The following SLIT3 variants were observed in gnomAD, a reference collection of about 807,000 sequenced individuals.
The protein encoded by SLIT3 is slit guidance ligand 3.
In SLIT3, 68 loss-of-function variants were observed where a neutral mutation model predicts 184.0. That is an observed-to-expected ratio of 0.37 (90% CI 0.30 to 0.45). The LOEUF is 0.45. SLIT3 is among the 20% of genes least tolerant of loss of function. The probability of loss-of-function intolerance (pLI) is 1.00; values close to 1 mark genes in which losing one functional copy is unlikely to be tolerated. For missense variants in SLIT3, 1,707 were observed against 2,026.0 expected (o/e 0.84, Z 3.02); for synonymous variants, 831 against 828.6 (o/e 1.00, Z -0.05).
chr5:169,145,399 T>G (rs1348412363), intron 4 of SLIT3, among the ~76,000 whole-genome samples: 1 of 152,174 alleles, frequency 6.6e-6, no homozygotes, highest in Admixed American at 6.5e-5. Flanking sequence ...TTCTAAGGTA[T>G]ACATGTGCAG....
chr5:169,019,939 G>T (rs897872807), intron 4 of SLIT3, among the ~76,000 whole-genome samples: 15 of 152,044 alleles, frequency 9.9e-5, no homozygotes, highest in Non-Finnish European at 1.9e-4. Context: ...TCTGTGTTTT[G>T]CTTGGGAATA....
chr5:168,817,488 A>T, intron 7 of SLIT3, 25 bp from the exon 8 acceptor site: 1 of 1,580,336 alleles, frequency 6.3e-7, no homozygotes, highest in Non-Finnish European at 8.6e-7. Flanking sequence ...GACAGAGAGA[A>T]GGCATGGTCA....
chr5:168,666,228 G>T lies in SLIT3; in HGVS notation c.*226C>A. On this transcript the variant is annotated 3_prime_UTR_variant, in exon 36 of 36. Transcript: ENST00000519560. The stretch of plus-strand genomic sequence containing the variant: ...ATAACTCACTATATGGTACATATAC[G>T]CAGATGGTGTAATATATTTATATAA... The T allele has an allele frequency of 2.5e-6, 1 of 406,966 alleles. No individual in the cohort carries two copies. The highest frequency in any genetic ancestry group is 4.3e-6 in the Non-Finnish European group (1 of 232,690). The allele number at this position is 406,966 out of a possible 1,614,324, so 25.2% of individuals were successfully genotyped here.
At chr5:169,080,301 G>C (rs1051059695) in intron 4 of SLIT3, among the ~76,000 whole-genome samples, 1 of 152,154 alleles carries the variant, frequency 6.6e-6, no homozygotes, top group Non-Finnish European at 1.5e-5. Context: ...CGTGTTTGTC[G>C]GTGATAATAA....
intron 4 of SLIT3, among the ~76,000 whole-genome samples, chr5:168,893,627 A>G (rs1404710138): frequency 1.3e-5 from 2 of 152,202 alleles, no homozygotes; most frequent in African/African-American, 4.8e-5. Flanking sequence ...TGTCTTCTTT[A>G]GAGAGATGGC....
intron 22 of SLIT3, among the ~76,000 whole-genome samples, chr5:168,722,706 C>A (rs1762982523): frequency 6.6e-6 from 1 of 152,210 alleles, no homozygotes; most frequent in Non-Finnish European, 1.5e-5. Flanking sequence ...CCTAAGACAG[C>A]CTTCTTCAGA....
chr5:168,857,371 TG>T (rs1758921206), intron 5 of SLIT3, among the ~76,000 whole-genome samples: 2 of 137,334 alleles, frequency 1.5e-5, no homozygotes, highest in East Asian at 4.8e-4. Context: ...GTAGAGTTTT[TG>T]TTTTTGTTTT....
intron 31 of SLIT3, 27 bp from the exon 32 acceptor site, chr5:168,684,123 G>A (rs200435792): frequency 3.2e-6 from 5 of 1,554,422 alleles, no homozygotes; most frequent in East Asian, 4.8e-5. Flanking sequence ...GGGCGTGTTA[G>A]TAAGGGCTTA....
intron 1 of SLIT3, among the ~76,000 whole-genome samples, chr5:169,274,542 C>A (rs1365900640): frequency 6.6e-6 from 1 of 152,088 alleles, no homozygotes; most frequent in Non-Finnish European, 1.5e-5. Context: ...GCAAGGGAGC[C>A]GTTCAGTACA....
intron 4 of SLIT3, among the ~76,000 whole-genome samples, chr5:169,113,237 C>G: frequency 6.6e-6 from 1 of 152,156 alleles, no homozygotes; most frequent in East Asian, 1.9e-4. Flanking sequence ...CCTTCCCTAC[C>G]TTCCCCTCTA....
chr5:168,830,274 C>A (rs1053817910), intron 6 of SLIT3, among the ~76,000 whole-genome samples: 1 of 152,142 alleles, frequency 6.6e-6, no homozygotes, highest in Non-Finnish European at 1.5e-5. Context: ...TCCTCAGCAC[C>A]TCCTCCTAAG....
intron 4 of SLIT3, among the ~76,000 whole-genome samples, chr5:169,029,437 A>C (rs1206298540): frequency 1.3e-5 from 2 of 152,246 alleles, no homozygotes; most frequent in African/African-American, 4.8e-5. Context: ...CTACTGCATC[A>C]GAGACTGTGG....
rs66498923 is a variant in SLIT3, at chr5:168,994,623, C to CTTTTTTTTT, written c.414-111296_414-111288dup. On this transcript the variant is annotated intron_variant, in intron 4 of 35. Coordinates refer to ENST00000519560, the MANE Select transcript of SLIT3 (RefSeq NM_003062.4). Reference sequence around the variant, plus strand: ...ACATGTACCAGTGTCTGGCATTCTACTTTTTTTTTTTTTTTTTTTTTTTTT... The same window carrying CTTTTTTTTT: ...ACATGTACCAGTGTCTGGCATTCTACTTTTTTTTTTTTTTTTTTTTTTTTTTTTTTTTTT... Among the ~76,000 whole-genome samples the CTTTTTTTTT allele has an allele frequency of 1.5e-3, 71 of 47,094 alleles. 19 individuals are homozygous for CTTTTTTTTT. The highest frequency in any genetic ancestry group is 1.8e-3 in the Admixed American group (6 of 3,290). 30.9% of individuals were successfully genotyped at this position (47,094 alleles called of 152,430 possible).
chr5:169,160,780 T>C (rs370372067), intron 4 of SLIT3, among the ~76,000 whole-genome samples: 28 of 152,288 alleles, frequency 1.8e-4, no homozygotes, highest in African/African-American at 6.5e-4. Flanking sequence ...AAGCCAAAGA[T>C]GTCAAACAGG....
chr5:168,685,620 T>G, intron 31 of SLIT3, 67 bp downstream of exon 31: 1 of 1,490,884 alleles, frequency 6.7e-7, no homozygotes, highest in Non-Finnish European at 8.9e-7. Context: ...TTCCAGCAAT[T>G]TTCTGAACTA....
At chr5:168,938,988 T>C (rs1024345154) in intron 4 of SLIT3, among the ~76,000 whole-genome samples, 1 of 152,102 alleles carries the variant, frequency 6.6e-6, no homozygotes, top group South Asian at 2.1e-4. Context: ...TTGTTCACAG[T>C]GGAAGGCATG....
chr5:168,892,622 G>T lies in SLIT3; in HGVS notation c.414-9286C>A, dbSNP rs1230368082. On this transcript the variant is annotated intron_variant, in intron 4 of 35. Coordinates refer to ENST00000519560, the MANE Select transcript of SLIT3 (RefSeq NM_003062.4). The stretch of plus-strand genomic sequence containing the variant: ...CATTCAGCCATTCCTCCTGTGAACA[G>T]ATACCTCTTTGCAGCCATAGGATTT... 5.9e-5 allele frequency among the ~76,000 whole-genome samples: 9 copies of T among 152,208 alleles called. 1 individual carries two copies. The highest frequency in any genetic ancestry group is 1.9e-4 in the African/African-American group (8 of 41,460).
chr5:168,795,510 C>T lies in SLIT3; in HGVS notation c.1004G>A (p.Arg335Gln), dbSNP rs556933554. The stretch of plus-strand genomic sequence containing the variant: ...TTTCTCCACAGGGGAAACTCACATT[C>T]GCTTCAGTTTCTTGTACTGGGTGAA... ...GAFTQYKKLK[R>Q]IDISKNQISD... The change falls in exon 10 of 36, where the codon CGA becomes CAA. Residue 335 changes from arginine (R) to glutamine (Q), a missense_variant. Around this residue, in one of 3 missense-constraint regions of SLIT3, gnomAD observed 1,307 missense variants for 1,511.6 expected, o/e 0.86. Coordinates refer to ENST00000519560, the MANE Select transcript of SLIT3 (RefSeq NM_003062.4). 20 of 1,611,620 alleles carry T rather than the reference C, an allele frequency of 1.2e-5. No homozygotes were observed. Among genetic ancestry groups the T allele is most frequent in the African/African-American group, 2.7e-5 (2 of 74,980 alleles).
intron 4 of SLIT3, among the ~76,000 whole-genome samples, chr5:169,180,300 T>G (rs1419804760): frequency 2.0e-5 from 3 of 151,804 alleles, no homozygotes; most frequent in Non-Finnish European, 4.4e-5. Context: ...GTGGGGAGAG[T>G]GGCATGAGAT....
Sources: allele counts gnomAD v4.1 joint callset (sites outside exome capture counted in the v4.1 genomes callset), GRCh38; gene constraint gnomAD v4.1.1; regional missense constraint gnomAD v4.1.1; transcripts MANE v1.5; gene names NCBI Gene and HGNC (gene_info 2026-07-23, HGNC 2026-07-21).